ZNF14: variants seen among roughly 807,000 people sequenced by gnomAD.
ZNF14 encodes zinc finger protein 14, also known as gonadotropin inducible transcription repressor-4.
Under a neutral mutation model 11.3 loss-of-function variants are expected in ZNF14, and 9 were observed. That is an observed-to-expected ratio of 0.80 (90% CI 0.48 to 1.39). The LOEUF is 1.39. ZNF14 is among the 40% of genes most tolerant of loss of function. The pLI is 0.00. For synonymous variants in ZNF14, 239 were observed against 245.7 expected, an observed-to-expected ratio of 0.97 and a Z score of 0.25; for missense variants, 711 against 763.9, an observed-to-expected ratio of 0.93 and a Z score of 0.82.
Position 19,714,957 on chromosome 19 carries a change from G to A in ZNF14, c.4-470C>T, listed in dbSNP as rs1188662243. 6.6e-5 allele frequency among the ~76,000 whole-genome samples: 10 copies of A among 152,014 alleles called. No individual in the cohort carries two copies. In the East Asian group the frequency reaches 7.7e-4, roughly 12 times the overall value. On this transcript the variant is annotated intron_variant, in intron 1 of 3. Transcript: ENST00000344099. ...ACTCCTGAGCTCAGGCAATTTGCCC[G>A]CCTCGGCCTCCCAAAGTGCTAGGAT...
intron 1 of ZNF14, among the ~76,000 whole-genome samples, chr19:19,723,057 A>C (rs1458281670): frequency 6.6e-6 from 1 of 152,174 alleles, no homozygotes; most frequent in Non-Finnish European, 1.5e-5. Context: ...TTCCTAATTG[A>C]ATACCCTTTA....
chr19:19,732,061 G>A (rs959990924), intron 1 of ZNF14, among the ~76,000 whole-genome samples: 1 of 152,016 alleles, frequency 6.6e-6, no homozygotes, highest in African/African-American at 2.4e-5. Flanking sequence ...GCGAGACTCC[G>A]TCACACACAA....
In ZNF14 at chr19:19,733,094, G is replaced by A; in HGVS notation, c.-136C>T. On this transcript the variant is annotated 5_prime_UTR_variant, in exon 1 of 4. Transcript: ENST00000344099. Reference sequence around the variant, plus strand: ...GAAACGCAATCTTCCCATGGGCCAGGAATGGCGACGTCCGCACTGCGCAGG... The same window carrying A: ...GAAACGCAATCTTCCCATGGGCCAGAAATGGCGACGTCCGCACTGCGCAGG... The A allele has an allele frequency of 1.8e-6, 2 of 1,116,096 alleles. No individual in the cohort carries two copies. Among genetic ancestry groups the A allele is most frequent in the Non-Finnish European group, 2.6e-6 (2 of 776,418 alleles). The allele number at this position is 1,116,096 out of a possible 1,614,324, so 69.1% of individuals were successfully genotyped here. A position where few individuals can be genotyped will look rare whatever the true frequency, so the allele number is the denominator to read the frequency against.
chr19:19,712,133 C>A lies in ZNF14; in HGVS notation c.1148G>T (p.Arg383Ile). The change falls in exon 4 of 4, where the codon AGA becomes ATA. Residue 383 changes from arginine (R) to isoleucine (I), a missense_variant. Arg to Ile is a moderately conservative substitution (Grantham distance 97, BLOSUM62 -3). Coordinates refer to ENST00000344099, the MANE Select transcript of ZNF14 (RefSeq NM_021030.3). ...ATAAGGTTTCTCTCCAGTATGAGTT[C>A]TTTCATGCAATCGAAGAGAAATGGA... ...SWSISLRLHE[R>I]THTGEKPYEC... The A allele has an allele frequency of 6.2e-7, 1 of 1,613,964 alleles. No individual in the cohort carries two copies. The highest frequency in any genetic ancestry group is 2.2e-5 in the East Asian group (1 of 44,866).
intron 1 of ZNF14, among the ~76,000 whole-genome samples, chr19:19,722,854 G>A (rs1313126233): frequency 6.6e-6 from 1 of 152,180 alleles, no homozygotes; most frequent in Non-Finnish European, 1.5e-5. Flanking sequence ...TAGCAATTGT[G>A]AATGGGAGTT....
chr19:19,730,035 T>G (rs1033538436), intron 1 of ZNF14, among the ~76,000 whole-genome samples: 2 of 152,120 alleles, frequency 1.3e-5, no homozygotes, highest in African/African-American at 2.4e-5. Flanking sequence ...CCTTTATTTA[T>G]TTAGTTAGTT....
intron 1 of ZNF14, among the ~76,000 whole-genome samples, chr19:19,731,632 C>T (rs901365849): frequency 6.6e-6 from 1 of 152,026 alleles, no homozygotes; most frequent in Non-Finnish European, 1.5e-5. Context: ...GACTTAGGAA[C>T]CTTCCACTGG....
At chr19:19,718,747 TA>T (rs1385720165) in intron 1 of ZNF14, among the ~76,000 whole-genome samples, 1 of 152,144 alleles carries the variant, frequency 6.6e-6, no homozygotes, top group Non-Finnish European at 1.5e-5. Context: ...ATCTTTGTTA[TA>T]AAAACATAAA....
intron 1 of ZNF14, among the ~76,000 whole-genome samples, chr19:19,714,969 C>T (rs2062373962): frequency 6.6e-6 from 1 of 152,098 alleles, no homozygotes; most frequent in Non-Finnish European, 1.5e-5. Flanking sequence ...CTCGGCCTCC[C>T]AAAGTGCTAG....
rs1568448122 is a variant in ZNF14 at position 19,712,207 on chromosome 19, AAT to A, written c.1072_1073del (p.Ile358TrpfsTer6). ...NSCRVHERTH[I>X]GEKPYECKRC... Reference sequence around the variant, plus strand: ...GTTTACATTCATATGGTTTTTCTCCAATATGAGTTCTTTCATGCACTCGACAG... The same window carrying A: ...GTTTACATTCATATGGTTTTTCTCCAATGAGTTCTTTCATGCACTCGACAG... On this transcript the variant is annotated frameshift_variant, in exon 4 of 4. Coordinates refer to ENST00000344099, the MANE Select transcript of ZNF14 (RefSeq NM_021030.3). LOFTEE classifies it low-confidence loss of function (END_TRUNC). The A allele has an allele frequency of 4.3e-6, 7 of 1,614,028 alleles. No homozygotes were observed. In the East Asian group the frequency reaches 1.1e-4, roughly 26 times the overall value.
At chr19:19,729,343 T>C (rs1484976675) in intron 1 of ZNF14, among the ~76,000 whole-genome samples, 1 of 149,238 alleles carries the variant, frequency 6.7e-6, no homozygotes, top group Admixed American at 6.7e-5. Flanking sequence ...TTTGAGGCAG[T>C]CTTCCTCTGT....
rs1471520350 is a variant in ZNF14, at chr19:19,711,104, C to T, written c.*248G>A. 4 of 424,962 alleles carry T rather than the reference C, an allele frequency of 9.4e-6. No individual in the cohort carries two copies. Among genetic ancestry groups the T allele is most frequent in the African/African-American group, 8.2e-5 (4 of 48,786 alleles). The allele number at this position is 424,962 out of a possible 1,614,324, so 26.3% of individuals were successfully genotyped here. A position where few individuals can be genotyped will look rare whatever the true frequency, so the allele number is the denominator to read the frequency against. ...TTTTAAAAAAACAAAAAACAAAAAA[C>T]AAAACAGATTTCACTGCAGCACGAG... On this transcript the variant is annotated 3_prime_UTR_variant, in exon 4 of 4. Transcript: ENST00000344099.
Position 19,712,273 on chromosome 19 carries a change from T to C in ZNF14, c.1008A>G (p.Lys336=), listed in dbSNP as rs778704493. Residue 336 remains lysine, a synonymous_variant, in exon 4 of 4, where the codon AAA becomes AAG. Transcript: ENST00000344099. ...TGAAGGCTTTCCCACATTCTTTACA[T>C]TTATAAGGTCGAGCCCCAGTGTGTA... ...VIIHTGARPY[K]CKECGKAFNS... The C allele has an allele frequency of 6.2e-7, 1 of 1,613,844 alleles. No individual in the cohort carries two copies. The highest frequency in any genetic ancestry group is 2.2e-5 in the East Asian group (1 of 44,864).
chr19:19,722,761 TGTAGTTCTCCTTGA>T (rs2062396454), intron 1 of ZNF14, among the ~76,000 whole-genome samples: 1 of 152,224 alleles, frequency 6.6e-6, no homozygotes, highest in Admixed American at 6.5e-5. Flanking sequence ...AGCAGTGGTT[TGTAGTTCTCCTTGA>T]ATAGTTCTCC....
Position 19,711,497 on chromosome 19 carries a change from G to C in ZNF14, c.1784C>G (p.Ala595Gly), listed in dbSNP as rs368791317. 2 of 1,613,812 alleles carry C rather than the reference G, an allele frequency of 1.2e-6. No homozygotes were observed. Among genetic ancestry groups the C allele is most frequent in the Non-Finnish European group, 1.7e-6 (2 of 1,179,902 alleles). The change falls in exon 4 of 4, where the codon GCC becomes GGC. Residue 595 changes from alanine (A) to glycine (G), a missense_variant. Physicochemically the swap from Ala to Gly is moderately conservative, Grantham distance 60. Transcript: ENST00000344099. ...KPYRCKQCGKAFRFSSSVRIH... is the reference protein window; with the variant it reads ...KPYRCKQCGKGFRFSSSVRIH... The stretch of plus-strand genomic sequence containing the variant: ...TCGAACAGAACTTGAAAATCTGAAG[G>C]CTTTCCCACATTGTTTACATCGATA...
At position 19,711,919 on chromosome 19, in the gene ZNF14, T is replaced by C. The variant is rs1264269477; in HGVS notation, c.1362A>G (p.Lys454=). The C allele has an allele frequency of 5.0e-6, 8 of 1,613,910 alleles. No homozygotes were observed. The highest frequency in any genetic ancestry group is 1.3e-5 in the African/African-American group (1 of 74,916). The change falls in exon 4 of 4, where the codon AAA becomes AAG. Residue 454 remains lysine (K), a synonymous_variant. Coordinates refer to ENST00000344099, the MANE Select transcript of ZNF14 (RefSeq NM_021030.3). ...EKPYECKQCG[K]AFRCSSYFRI... is the part of the protein sequence containing the mutation. ...GAAAATAACTTGAACACCTGAAGGC[T>C]TTCCCACACTGTTTACATTCATAGG...
chr19:19,719,270 A>G (rs1410183268), intron 1 of ZNF14, among the ~76,000 whole-genome samples: 5 of 152,226 alleles, frequency 3.3e-5, no homozygotes, highest in African/African-American at 1.2e-4. Flanking sequence ...AAAATTCCCT[A>G]CAAAAAAGAA....
At position 19,714,396 on chromosome 19, in the gene ZNF14, A is replaced by G; in HGVS notation, c.95T>C (p.Val32Ala). Residue 32 changes from valine (V) to alanine (A), a missense_variant, in exon 2 of 4, where the codon GTG (valine) becomes GCG (alanine). Physicochemically the swap from Val to Ala is moderately conservative, Grantham distance 64. Transcript: ENST00000344099. ...DSSQKKLYED[V>A]MQETFKNLVC... is the part of the protein sequence containing the mutation. ...CAGGTTTTTGAAGGTCTCCTGCATCACATCTTCATAGAGCTTTTTCTGTGA... is the reference window on the plus strand; with the variant it reads ...CAGGTTTTTGAAGGTCTCCTGCATCGCATCTTCATAGAGCTTTTTCTGTGA... 6.2e-7 allele frequency: 1 copy of G among 1,614,088 alleles called. No individual in the cohort carries two copies. Among genetic ancestry groups the G allele is most frequent in the Non-Finnish European group, 8.5e-7 (1 of 1,180,012 alleles).
chr19:19,721,694 G>C (rs779447037), intron 1 of ZNF14, among the ~76,000 whole-genome samples: 1 of 152,112 alleles, frequency 6.6e-6, no homozygotes, highest in Non-Finnish European at 1.5e-5. Context: ...TGGTGTGGTG[G>C]CTCATGCCTG....
Sources: gnomAD v4.1 joint callset for allele counts (sites outside exome capture counted in the v4.1 genomes callset) on GRCh38, gnomAD v4.1.1 for gene constraint, MANE v1.5 for transcripts, NCBI Gene and HGNC (gene_info 2026-07-23, HGNC 2026-07-21) for gene names.